Variants in HHAT observed in about 807,000 individuals in gnomAD.
HHAT encodes the protein hedgehog acyltransferase.
Under a neutral mutation model 70.8 loss-of-function variants are expected in HHAT, and 47 were observed. The observed-to-expected ratio is 0.66, with a 90% CI of 0.53 to 0.85. The LOEUF is 0.85. Among genes scored for constraint, HHAT ranks in the 40% least tolerant of loss-of-function variants. HHAT has a pLI of 0.00. For missense variants in HHAT, 609 were observed against 604.8 expected, an observed-to-expected ratio of 1.01 and a Z score of -0.07; for synonymous variants, 228 against 247.6, an observed-to-expected ratio of 0.92 and a Z score of 0.74.
At chr1:210,337,275 C>T (rs1433364673) in intron 1 of HHAT, among the ~76,000 whole-genome samples, 9 of 152,170 alleles carry the variant, frequency 5.9e-5, no homozygotes, top group African/African-American at 2.2e-4. Flanking sequence ...AGTTTATGAC[C>T]ATTGGATTAA....
intron 7 of HHAT, among the ~76,000 whole-genome samples, chr1:210,441,399 A>G (rs2093504510): frequency 6.6e-6 from 1 of 152,204 alleles, no homozygotes; most frequent in Admixed American, 6.5e-5. Flanking sequence ...TCTGAATGTC[A>G]AGTGTCTTTG....
At chr1:210,632,154 G>A (rs1670990471) in intron 11 of HHAT, among the ~76,000 whole-genome samples, 1 of 152,220 alleles carries the variant, frequency 6.6e-6, no homozygotes, top group Admixed American at 6.5e-5. Flanking sequence ...GCATGGAAAA[G>A]AGTGTGTTAC....
chr1:210,548,696 G>A (rs542337715), intron 9 of HHAT, among the ~76,000 whole-genome samples: 27 of 152,252 alleles, frequency 1.8e-4, no homozygotes, highest in South Asian at 4.2e-4. Flanking sequence ...TTGGATCTCC[G>A]TGAAGAAGGA....
At chr1:210,395,865 A>C (rs576313640) in intron 4 of HHAT, among the ~76,000 whole-genome samples, 7 of 152,300 alleles carry the variant, frequency 4.6e-5, no homozygotes, top group African/African-American at 1.7e-4. Flanking sequence ...CCATCCATGC[A>C]ACTATTCTCT....
intron 7 of HHAT, among the ~76,000 whole-genome samples, chr1:210,423,604 G>T (rs1213302446): frequency 6.6e-6 from 1 of 152,092 alleles, no homozygotes; most frequent in African/African-American, 2.4e-5. Context: ...CTGTGCTTTA[G>T]AAGTCTTATT....
At chr1:210,481,248 C>T (rs1380422592) in intron 8 of HHAT, among the ~76,000 whole-genome samples, 1 of 152,274 alleles carries the variant, frequency 6.6e-6, no homozygotes, top group East Asian at 1.9e-4. Context: ...TAGGTTCCTG[C>T]TAGCCTCTGG....
chr1:210,514,713 G>C (rs141739603), intron 9 of HHAT, among the ~76,000 whole-genome samples: 65 of 152,284 alleles, frequency 4.3e-4, no homozygotes, highest in Non-Finnish European at 6.5e-4. Flanking sequence ...AAGGACAAGG[G>C]GGGTGAGGCA....
upstream of HHAT, among the ~76,000 whole-genome samples, chr1:210,327,762 C>T (rs562878753): frequency 4.6e-5 from 7 of 152,052 alleles, no homozygotes; most frequent in Non-Finnish European, 1.0e-4. Flanking sequence ...TGCTACCGCT[C>T]CTAAAGTGCT....
chr1:210,590,101 C>T (rs1661323807), intron 10 of HHAT: 1 of 152,158 alleles, frequency 6.6e-6, no homozygotes, highest in African/African-American at 2.4e-5. Context: ...GAGTGAGCCT[C>T]AGTGTTAAAT....
At chr1:210,497,862 T>A (rs2094680455) in intron 8 of HHAT, among the ~76,000 whole-genome samples, 1 of 151,582 alleles carries the variant, frequency 6.6e-6, no homozygotes, top group East Asian at 1.9e-4. Flanking sequence ...ACCTCCCTGG[T>A]TCAAGCAATT....
At chr1:210,610,709 TCCAGTTTCAATTTTCTGCATATGGCTAG>T (rs1230300352) in intron 10 of HHAT, among the ~76,000 whole-genome samples, 1 of 152,146 alleles carries the variant, frequency 6.6e-6, no homozygotes, top group African/African-American at 2.4e-5. Flanking sequence ...AAGGAAGAGG[TCCAGTTTCAATTTTCTGCATATGGCTAG>T]CCAGTTCTCC....
At chr1:210,671,180 T>C (rs1391540271) in intron 11 of HHAT, among the ~76,000 whole-genome samples, 1 of 152,168 alleles carries the variant, frequency 6.6e-6, no homozygotes, top group Non-Finnish European at 1.5e-5. Flanking sequence ...AACATCCCCA[T>C]TGGCCCATCT....
intron 9 of HHAT, among the ~76,000 whole-genome samples, chr1:210,527,733 A>G (rs1040329681): frequency 3.3e-5 from 5 of 152,230 alleles, no homozygotes; most frequent in African/African-American, 1.2e-4. Flanking sequence ...ATGGTGCGCC[A>G]ACAGGGTGGC....
intron 7 of HHAT, among the ~76,000 whole-genome samples, chr1:210,441,010 G>A (rs1362147202): frequency 6.6e-6 from 1 of 152,216 alleles, no homozygotes. Flanking sequence ...AGGCTATGCA[G>A]CCAGGACTCA....
At chr1:210,589,784 A>T (rs1661259574) in intron 10 of HHAT, 1 of 152,238 alleles carries the variant, frequency 6.6e-6, no homozygotes, top group African/African-American at 2.4e-5. Flanking sequence ...TACTCACAGG[A>T]TGAAGCTCTT....
chr1:210,401,779 C>T (rs2092088614), intron 5 of HHAT, among the ~76,000 whole-genome samples: 1 of 152,170 alleles, frequency 6.6e-6, no homozygotes, highest in Admixed American at 6.5e-5. Flanking sequence ...GTTGAGTTTC[C>T]TGTGCCTTGC....
At position 210,350,709 on chromosome 1, in the gene HHAT, TTCTTTCTTTCTTTTCAATC is replaced by T. The variant is rs1223616109; in HGVS notation, c.91+1645_91+1663del. On this transcript the variant is annotated intron_variant, in intron 2 of 11. Coordinates refer to ENST00000261458, the MANE Select transcript of HHAT (RefSeq NM_018194.6). ...AATCATGGCGTCTGCGAAGATGATT[TTCTTTCTTTCTTTTCAATC>T]TTATATACCTTTTCTTTTTTGTTGT... 3.3e-5 allele frequency among the ~76,000 whole-genome samples: 5 copies of T among 152,248 alleles called. No individual in the cohort carries two copies. In the East Asian group the frequency reaches 9.6e-4, roughly 29 times the overall value.
intron 9 of HHAT, among the ~76,000 whole-genome samples, chr1:210,564,401 G>C (rs2095651057): frequency 6.6e-6 from 1 of 152,200 alleles, no homozygotes; most frequent in Admixed American, 6.5e-5. Context: ...AGGAGCAGTG[G>C]CTCTAAAGAT....
intron 4 of HHAT, among the ~76,000 whole-genome samples, chr1:210,391,406 T>C (rs574857998): frequency 1.3e-5 from 2 of 152,288 alleles, no homozygotes; most frequent in Non-Finnish European, 2.9e-5. Context: ...GTGCAAATTA[T>C]AGAGGAAAAC....
Sources: gnomAD v4.1 joint callset for allele counts (sites outside exome capture counted in the v4.1 genomes callset) on GRCh38, gnomAD v4.1.1 for gene constraint, MANE v1.5 for transcripts, NCBI Gene and HGNC (gene_info 2026-07-23, HGNC 2026-07-21) for gene names.